AKAP19: variants seen among roughly 807,000 people sequenced by gnomAD.
The protein encoded by AKAP19 is small A-kinase anchoring protein.
the AKAP19 span, chr2:190,200,621 T>C: frequency 1.1e-5 from 2 of 173,954 alleles, no homozygotes; most frequent in Admixed American, 5.9e-5. Flanking sequence ...TCTTGTTTGT[T>C]TGTCAAGGAT....
At chr2:189,984,796 CT>C in the AKAP19 span, among the ~76,000 whole-genome samples, 1 of 152,102 alleles carries the variant, frequency 6.6e-6, no homozygotes, top group Admixed American at 6.6e-5. Context: ...TCTGTCATGG[CT>C]TCAGCCGGTC....
chr2:190,160,805 C>A, the AKAP19 span, among the ~76,000 whole-genome samples: 1 of 151,772 alleles, frequency 6.6e-6, no homozygotes, highest in Non-Finnish European at 1.5e-5. Flanking sequence ...TGAAAGATTC[C>A]AAGACAGATA....
the AKAP19 span, among the ~76,000 whole-genome samples, chr2:190,129,956 A>G: frequency 6.6e-6 from 1 of 152,072 alleles, no homozygotes; most frequent in Non-Finnish European, 1.5e-5. Context: ...TACTTGGTTT[A>G]CAGAGGCCCT....
At chr2:189,893,778 AAAAG>A in the AKAP19 span, among the ~76,000 whole-genome samples, 1 of 152,300 alleles carries the variant, frequency 6.6e-6, no homozygotes, top group Non-Finnish European at 1.5e-5. Context: ...TTTGGGGAAA[AAAAG>A]GCAATAAAAA....
At chr2:190,009,025 A>G in the AKAP19 span, among the ~76,000 whole-genome samples, 1 of 152,078 alleles carries the variant, frequency 6.6e-6, no homozygotes, top group Non-Finnish European at 1.5e-5. Context: ...CAGGAACTGT[A>G]ACACAAAGAC....
chr2:190,157,365 T>TACACAC, the AKAP19 span, among the ~76,000 whole-genome samples: 1,261 of 117,048 alleles, frequency 0.011, 15 homozygotes, highest in Middle Eastern at 0.036. Context: ...CCTAAACTTG[T>TACACAC]ATACACACAC....
chr2:190,200,162 C>T, the AKAP19 span: 42 of 1,608,498 alleles, frequency 2.6e-5, no homozygotes, highest in Non-Finnish European at 3.6e-5. Context: ...TGTAGGATGA[C>T]AACACTTTGA....
At chr2:190,111,121 G>A in the AKAP19 span, among the ~76,000 whole-genome samples, 1 of 152,146 alleles carries the variant, frequency 6.6e-6, no homozygotes, top group African/African-American at 2.4e-5. Flanking sequence ...CAGAGCACAG[G>A]GAAAGCCCTG....
chr2:189,990,927 T>G, the AKAP19 span, among the ~76,000 whole-genome samples: 1 of 152,164 alleles, frequency 6.6e-6, no homozygotes, highest in Non-Finnish European at 1.5e-5. Context: ...TCCTCACAGC[T>G]TAGCTCCCAT....
the AKAP19 span, among the ~76,000 whole-genome samples, chr2:190,134,963 G>A: frequency 1.3e-5 from 2 of 151,962 alleles, no homozygotes; most frequent in South Asian, 4.1e-4. Flanking sequence ...AAAGCTATGG[G>A]ATCATTTAAA....
the AKAP19 span, among the ~76,000 whole-genome samples, chr2:190,044,113 G>C: frequency 2.0e-4 from 31 of 152,206 alleles, no homozygotes; most frequent in Non-Finnish European, 4.0e-4. Context: ...TGAAAGTGTG[G>C]GTTCCTTTCC....
chr2:190,156,449 A>G, the AKAP19 span, among the ~76,000 whole-genome samples: 1 of 152,186 alleles, frequency 6.6e-6, no homozygotes, highest in Non-Finnish European at 1.5e-5. Context: ...TTAAATTTAA[A>G]TCAAAAGAAA....
chr2:189,906,107 C>T, the AKAP19 span, among the ~76,000 whole-genome samples: 1 of 151,976 alleles, frequency 6.6e-6, no homozygotes, highest in South Asian at 2.1e-4. Flanking sequence ...TGAGTAGCCT[C>T]CTACTTCTAA....
chr2:190,101,494 A>G, the AKAP19 span, among the ~76,000 whole-genome samples: 2 of 151,988 alleles, frequency 1.3e-5, no homozygotes, highest in Non-Finnish European at 2.9e-5. Flanking sequence ...CTGGACCAGC[A>G]GCCTGAGCCT....
the AKAP19 span, among the ~76,000 whole-genome samples, chr2:189,954,619 G>A: frequency 6.6e-6 from 1 of 152,148 alleles, no homozygotes; most frequent in South Asian, 2.1e-4. Flanking sequence ...CATTATGTTT[G>A]AATGTTATAT....
chr2:189,965,195 A>G, the AKAP19 span, among the ~76,000 whole-genome samples: 1 of 152,156 alleles, frequency 6.6e-6, no homozygotes, highest in Admixed American at 6.6e-5. Context: ...AGTTGGTGGA[A>G]CAGTCAGAAC....
the AKAP19 span, among the ~76,000 whole-genome samples, chr2:190,058,727 C>T: frequency 6.6e-6 from 1 of 151,910 alleles, no homozygotes; most frequent in African/African-American, 2.4e-5. Context: ...AGCTGGAGGC[C>T]ATTATTCGAA....
the AKAP19 span, among the ~76,000 whole-genome samples, chr2:190,148,189 G>C: frequency 6.6e-6 from 1 of 152,118 alleles, no homozygotes; most frequent in Non-Finnish European, 1.5e-5. Context: ...CTTGTTTGCT[G>C]ATTTTGTTGA....
At chr2:190,090,440 A>G in the AKAP19 span, among the ~76,000 whole-genome samples, 12 of 152,190 alleles carry the variant, frequency 7.9e-5, no homozygotes, top group Non-Finnish European at 1.2e-4. Context: ...GCCTCCTGTC[A>G]ATAGCCAGCA....
Sources: gnomAD v4.1 joint callset for allele counts (sites outside exome capture counted in the v4.1 genomes callset) on GRCh38, gnomAD v4.1.1 for gene constraint, MANE v1.5 for transcripts, NCBI Gene and HGNC (gene_info 2026-07-23, HGNC 2026-07-21) for gene names.